Variants in ANKFN1 observed in about 807,000 individuals in gnomAD.
ANKFN1 encodes ankyrin repeat and fibronectin type-III domain-containing protein 1.
ANKFN1 carries 74 observed loss-of-function variants against 108.7 expected under a neutral mutation model. The ratio of observed to expected loss-of-function variants is 0.68; its 90% CI spans 0.56 to 0.83. ANKFN1 has a LOEUF of 0.83. Ranked by LOEUF, ANKFN1 falls within the 40% of genes least tolerant of loss-of-function variation. The probability of loss-of-function intolerance (pLI) is 0.00; values close to 1 mark genes in which losing one functional copy is unlikely to be tolerated. For synonymous variants in ANKFN1, 547 were observed against 516.2 expected (o/e 1.06, Z -0.81); for missense variants, 1,505 against 1,382.3 (o/e 1.09, Z -1.41).
In ANKFN1 at chr17:56,114,537, A is replaced by T. The variant is rs118139987; in HGVS notation, c.288+68212A>T. 8.4e-4 allele frequency among the ~76,000 whole-genome samples: 128 copies of T among 152,278 alleles called. 1 individual carries two copies. In the East Asian group the frequency reaches 0.018, roughly 21 times the overall value. On this transcript the variant is annotated intron_variant, in intron 4 of 12. Coordinates refer to the ANKFN1 transcript ENST00000635860. Reference sequence around the variant, plus strand: ...TAACATCAAGTGCTGGTGAGAGTATAAGGAAATAGGTACTCTCAAACATAG... The same window carrying T: ...TAACATCAAGTGCTGGTGAGAGTATTAGGAAATAGGTACTCTCAAACATAG...
At chr17:56,163,255 T>A (rs184993237) in intron 1 of ANKFN1, among the ~76,000 whole-genome samples, 3 of 152,128 alleles carry the variant, frequency 2.0e-5, no homozygotes, top group Non-Finnish European at 2.9e-5. Context: ...GCCTATAACA[T>A]TGTTCACAGA....
At chr17:56,295,973 A>G (rs1436223099) in intron 3 of ANKFN1, among the ~76,000 whole-genome samples, 1 of 152,220 alleles carries the variant, frequency 6.6e-6, no homozygotes, top group Non-Finnish European at 1.5e-5. Context: ...TTTCCAACAC[A>G]TACTTTTTGG....
chr17:56,125,075 A>G (rs755915474), intron 4 of ANKFN1, among the ~76,000 whole-genome samples: 3 of 152,166 alleles, frequency 2.0e-5, no homozygotes, highest in Non-Finnish European at 4.4e-5. Flanking sequence ...CCATTTTCCC[A>G]TAGAACCTTT....
intron 4 of ANKFN1, among the ~76,000 whole-genome samples, chr17:56,114,282 G>A (rs1409398533): frequency 6.6e-6 from 1 of 152,146 alleles, no homozygotes; most frequent in Non-Finnish European, 1.5e-5. Context: ...CATCAATAAA[G>A]AAATGACACC....
At position 56,105,450 on chromosome 17, in the gene ANKFN1, C is replaced by T. The variant is rs190083002; in HGVS notation, c.288+59125C>T. ...CAGTGCCTTTGGATGAAATTGTTCCCTCTCTCTCTCACTCTCTCCCTTCCT... is the reference window on the plus strand; with the variant it reads ...CAGTGCCTTTGGATGAAATTGTTCCTTCTCTCTCTCACTCTCTCCCTTCCT... On this transcript the variant is annotated intron_variant, in intron 4 of 12. Transcript: ENST00000635860. 5.3e-5 allele frequency among the ~76,000 whole-genome samples: 8 copies of T among 152,044 alleles called. No homozygotes were observed. The East Asian group carries it at 1.5e-3, about 29-fold the overall frequency.
At chr17:56,212,365 A>G (rs1598248048) in intron 1 of ANKFN1, among the ~76,000 whole-genome samples, 1 of 152,232 alleles carries the variant, frequency 6.6e-6, no homozygotes, top group East Asian at 1.9e-4. Context: ...ATGTGAAACC[A>G]TCCCTGCATC....
chr17:56,290,825 A>G (rs1371592243), intron 3 of ANKFN1, among the ~76,000 whole-genome samples: 2 of 152,098 alleles, frequency 1.3e-5, no homozygotes, highest in East Asian at 1.9e-4. Flanking sequence ...AGAATATCTG[A>G]TATCAAAATT....
intron 1 of ANKFN1, among the ~76,000 whole-genome samples, chr17:56,198,795 T>C (rs1913767722): frequency 6.6e-6 from 1 of 152,232 alleles, no homozygotes; most frequent in Non-Finnish European, 1.5e-5. Context: ...GGTCTGTTTC[T>C]GGGCTCTCAG....
At chr17:56,312,590 C>A (rs7221133) in intron 3 of ANKFN1, among the ~76,000 whole-genome samples, 1 of 151,860 alleles carries the variant, frequency 6.6e-6, no homozygotes, top group African/African-American at 2.4e-5. Context: ...TTCCTTTGCT[C>A]GTCTCCAGTT....
chr17:56,219,790 T>G (rs1232951883), intron 2 of ANKFN1, among the ~76,000 whole-genome samples: 1 of 152,180 alleles, frequency 6.6e-6, no homozygotes, highest in African/African-American at 2.4e-5. Flanking sequence ...AGACCACAAC[T>G]CAACTGTGAG....
chr17:56,127,246 A>G (rs915511137), intron 4 of ANKFN1, among the ~76,000 whole-genome samples: 4 of 152,328 alleles, frequency 2.6e-5, no homozygotes, highest in African/African-American at 4.8e-5. Flanking sequence ...TTGTCCTCAT[A>G]TGTAGGAGAG....
intron 3 of ANKFN1, among the ~76,000 whole-genome samples, chr17:56,261,180 C>A (rs759497482): frequency 6.6e-6 from 1 of 152,162 alleles, no homozygotes; most frequent in Non-Finnish European, 1.5e-5. Flanking sequence ...TCCTTTCCTC[C>A]CAGATACTAT....
At chr17:56,144,778 G>A (rs931899561) in intron 4 of ANKFN1, among the ~76,000 whole-genome samples, 1 of 152,182 alleles carries the variant, frequency 6.6e-6, no homozygotes, top group Non-Finnish European at 1.5e-5. Flanking sequence ...GGACAGCCGA[G>A]GAGCATTGGA....
intron 8 of ANKFN1, among the ~76,000 whole-genome samples, chr17:56,385,454 G>A (rs2047233301): frequency 6.6e-6 from 1 of 152,088 alleles, no homozygotes; most frequent in Non-Finnish European, 1.5e-5. Context: ...GGCAACAAAA[G>A]TCAAAATTGA....
chr17:56,252,655 G>A (rs543496387), intron 3 of ANKFN1, among the ~76,000 whole-genome samples: 4 of 151,536 alleles, frequency 2.6e-5, no homozygotes, highest in Admixed American at 6.6e-5. Context: ...GTGCATGCCT[G>A]TAGTCCTGGC....
At chr17:56,461,449 C>G (rs2049899774) in intron 14 of ANKFN1, among the ~76,000 whole-genome samples, 1 of 152,182 alleles carries the variant, frequency 6.6e-6, no homozygotes, top group Non-Finnish European at 1.5e-5. Flanking sequence ...TTCCAACTTG[C>G]TGGTCTTTCT....
chr17:56,357,478 C>T (rs895449363), intron 6 of ANKFN1, among the ~76,000 whole-genome samples: 1 of 152,214 alleles, frequency 6.6e-6, no homozygotes, highest in Non-Finnish European at 1.5e-5. Context: ...TTCCACATAA[C>T]CAATATGGAG....
At chr17:56,149,017 C>G (rs779247471), upstream of ANKFN1, among the ~76,000 whole-genome samples, 1 of 152,098 alleles carries the variant, frequency 6.6e-6, no homozygotes, top group Non-Finnish European at 1.5e-5. Context: ...TCAGGTCACA[C>G]GGGGAGCAAA....
intron 4 of ANKFN1, among the ~76,000 whole-genome samples, chr17:56,075,134 A>G (rs1163289923): frequency 6.6e-6 from 1 of 152,210 alleles, no homozygotes; most frequent in African/African-American, 2.4e-5. Context: ...AGAGATCATG[A>G]GAGTCCAAAT....
Sources: allele counts gnomAD v4.1 joint callset (sites outside exome capture counted in the v4.1 genomes callset), GRCh38; gene constraint gnomAD v4.1.1; transcripts MANE v1.5; gene names NCBI Gene and HGNC (gene_info 2026-07-23, HGNC 2026-07-21).